The following NDFIP2 variants were observed in gnomAD, a reference collection of about 807,000 sequenced individuals.
NDFIP2 encodes the protein NEDD4 family-interacting protein 2.
A neutral mutation model predicts 36.0 loss-of-function variants in NDFIP2; 19 were observed. The ratio of observed to expected loss-of-function variants is 0.53; its 90% CI spans 0.37 to 0.77. NDFIP2 has a LOEUF of 0.77. NDFIP2 is among the 30% of genes least tolerant of loss of function. The probability of loss-of-function intolerance (pLI) is 0.00; values close to 1 mark genes in which losing one functional copy is unlikely to be tolerated. For missense variants in NDFIP2, 446 were observed against 435.8 expected, an observed-to-expected ratio of 1.02 and a Z score of -0.21; for synonymous variants, 181 against 167.7, an observed-to-expected ratio of 1.08 and a Z score of -0.61.
intron 1 of NDFIP2, among the ~76,000 whole-genome samples, chr13:79,491,769 A>C (rs1314184733): frequency 6.6e-6 from 1 of 152,186 alleles, no homozygotes; most frequent in Non-Finnish European, 1.5e-5. Context: ...TGACAAGATC[A>C]CTGTAATTAA....
At chr13:79,532,381 A>G (rs1875050682) in intron 2 of NDFIP2, among the ~76,000 whole-genome samples, 2 of 152,210 alleles carry the variant, frequency 1.3e-5, no homozygotes, top group African/African-American at 4.8e-5. Flanking sequence ...GTGATGTCAA[A>G]CAGTGTGGTG....
chr13:79,551,066 CAT>C lies in NDFIP2; in HGVS notation c.958_959del (p.Met320ValfsTer2). 6.2e-7 allele frequency: 1 copy of C among 1,605,108 alleles called. No individual in the cohort carries two copies. The highest frequency in any genetic ancestry group is 8.5e-7 in the Non-Finnish European group (1 of 1,175,200). ...GFVNYLKVRN[M>X]SESMAAAHRT... ...TTGTTAATTATCTAAAAGTCAGAAA[CAT>C]GTCTGAAAGTATGGCAGCTGCTCAT... On this transcript the variant is annotated frameshift_variant, in exon 7 of 8. Transcript: ENST00000218652. LOFTEE classifies it high-confidence loss of function.
At chr13:79,505,673 G>A (rs1303326153) in intron 1 of NDFIP2, among the ~76,000 whole-genome samples, 1 of 150,824 alleles carries the variant, frequency 6.6e-6, no homozygotes, top group Non-Finnish European at 1.5e-5. Context: ...CAAAGAATAG[G>A]TAGTATTGCT....
At chr13:79,501,159 G>A (rs1314491183) in intron 1 of NDFIP2, among the ~76,000 whole-genome samples, 1 of 152,078 alleles carries the variant, frequency 6.6e-6, no homozygotes, top group Non-Finnish European at 1.5e-5. Flanking sequence ...CCAGGTGTTA[G>A]TGTGGAGGGA....
intron 1 of NDFIP2, 132 bp downstream of exon 1, chr13:79,481,656 T>A: frequency 8.7e-7 from 1 of 1,155,192 alleles, no homozygotes; most frequent in Non-Finnish European, 1.2e-6. Context: ...TTTTTTTGGA[T>A]CTTCTGGCTG....
intron 1 of NDFIP2, among the ~76,000 whole-genome samples, chr13:79,486,349 C>T (rs1342644022): frequency 6.6e-6 from 1 of 152,124 alleles, no homozygotes; most frequent in East Asian, 1.9e-4. Context: ...GTACAGTTAA[C>T]CTCCATACAA....
intron 4 of NDFIP2, among the ~76,000 whole-genome samples, chr13:79,541,174 G>A (rs1173579427): frequency 6.6e-6 from 1 of 151,814 alleles, no homozygotes; most frequent in Non-Finnish European, 1.5e-5. Context: ...ATTATTTTTA[G>A]TATAAATACC....
At chr13:79,549,021 G>C (rs1875797723) in intron 6 of NDFIP2, among the ~76,000 whole-genome samples, 1 of 151,870 alleles carries the variant, frequency 6.6e-6, no homozygotes, top group Non-Finnish European at 1.5e-5. Context: ...CCACATTTCA[G>C]ATGTATTTGC....
chr13:79,541,276 A>G (rs1405010282), intron 4 of NDFIP2, among the ~76,000 whole-genome samples: 1 of 151,878 alleles, frequency 6.6e-6, no homozygotes, highest in African/African-American at 2.4e-5. Flanking sequence ...TACCACCAGT[A>G]TCTTCTTTTT....
intron 2 of NDFIP2, 68 bp downstream of exon 2, chr13:79,521,043 A>G: frequency 7.4e-7 from 1 of 1,359,012 alleles, no homozygotes; most frequent in Non-Finnish European, 1.0e-6. Context: ...TTGTGTAATT[A>G]TCATGTCTGT....
intron 1 of NDFIP2, among the ~76,000 whole-genome samples, chr13:79,509,690 T>G (rs61966688): frequency 0.48 from 71,498 of 147,602 alleles, 17,676 homozygotes; most frequent in East Asian, 0.68. Flanking sequence ...TATATATATA[T>G]AGAGAGAGAG....
chr13:79,487,215 G>A (rs188505485), intron 1 of NDFIP2, among the ~76,000 whole-genome samples: 203 of 151,978 alleles, frequency 1.3e-3, no homozygotes, highest in South Asian at 2.3e-3. Context: ...ATACCCCCCA[G>A]GTGACTGTTC....
chr13:79,532,437 T>C (rs941791979), intron 2 of NDFIP2, among the ~76,000 whole-genome samples: 5 of 152,194 alleles, frequency 3.3e-5, no homozygotes, highest in African/African-American at 1.2e-4. Flanking sequence ...TGTCAGTGAC[T>C]CTAGCATAAG....
chr13:79,497,705 G>A (rs1873491202), intron 1 of NDFIP2, among the ~76,000 whole-genome samples: 1 of 137,140 alleles, frequency 7.3e-6, no homozygotes, highest in Non-Finnish European at 1.6e-5. Flanking sequence ...TCTCTCCCTA[G>A]TATTTTTGTT....
intron 1 of NDFIP2, among the ~76,000 whole-genome samples, chr13:79,489,048 G>A (rs1023142311): frequency 1.3e-5 from 2 of 152,132 alleles, no homozygotes; most frequent in African/African-American, 4.8e-5. Context: ...TGATGGAGCT[G>A]GTATTCAGAC....
In NDFIP2 at chr13:79,481,328, G is replaced by C. The variant is rs768142127; in HGVS notation, c.125G>C (p.Gly42Ala). 3.4e-5 allele frequency: 52 copies of C among 1,545,572 alleles called. No homozygotes were observed. The South Asian group carries it at 4.5e-4, about 13-fold the overall frequency. The change falls in exon 1 of 8, where the codon GGA becomes GCA. Residue 42 changes from glycine to alanine, a missense_variant. Gly to Ala is a moderately conservative substitution (Grantham distance 60, BLOSUM62 0). This residue lies in a region of NDFIP2 where 369 missense variants were observed against 304.8 expected (regional missense o/e 1.21). Transcript: ENST00000218652. ...TNAEVSAAAA[G>A]ATGSEELPPG... Reference sequence around the variant, plus strand: ...GCGGAGGTCTCGGCGGCCGCTGCGGGAGCCACAGGAAGTGAAGAGCTTCCG... The same window carrying C: ...GCGGAGGTCTCGGCGGCCGCTGCGGCAGCCACAGGAAGTGAAGAGCTTCCG...
intron 1 of NDFIP2, among the ~76,000 whole-genome samples, chr13:79,502,089 G>A (rs1237946519): frequency 6.6e-6 from 1 of 152,110 alleles, no homozygotes; most frequent in African/African-American, 2.4e-5. Flanking sequence ...TTAGCTGAAT[G>A]ATGGATGACT....
At chr13:79,524,922 C>T (rs1221475623) in intron 2 of NDFIP2, among the ~76,000 whole-genome samples, 2 of 152,144 alleles carry the variant, frequency 1.3e-5, no homozygotes, top group African/African-American at 2.4e-5. Context: ...TGATAAATGT[C>T]AGTTCTTTCA....
chr13:79,553,929 T>C lies in NDFIP2; in HGVS notation c.*1416T>C, dbSNP rs556461280. On this transcript the variant is annotated 3_prime_UTR_variant, in exon 8 of 8. Transcript: ENST00000218652. Reference sequence around the variant, plus strand: ...GCTATATGGACCTTATAAAATTGATTTCTTATTTATTATTAGACATTACTA... The same window carrying C: ...GCTATATGGACCTTATAAAATTGATCTCTTATTTATTATTAGACATTACTA... The C allele has an allele frequency of 4.6e-5, 7 of 151,894 alleles. No homozygotes were observed. Among genetic ancestry groups the C allele is most frequent in the Non-Finnish European group, 1.0e-4 (7 of 67,590 alleles). The allele number at this position is 151,894 out of a possible 1,614,324, so 9.4% of individuals were successfully genotyped here. A position where few individuals can be genotyped will look rare whatever the true frequency, so the allele number is the denominator to read the frequency against.
Sources: allele counts gnomAD v4.1 joint callset (sites outside exome capture counted in the v4.1 genomes callset), GRCh38; gene constraint gnomAD v4.1.1; regional missense constraint gnomAD v4.1.1; transcripts MANE v1.5; gene names NCBI Gene and HGNC (gene_info 2026-07-23, HGNC 2026-07-21).